FRMD4B: variants seen among roughly 807,000 people sequenced by gnomAD.
The protein encoded by FRMD4B is FERM domain containing 4B, also known as FERM domain-containing protein 4B.
Under a neutral mutation model 141.5 loss-of-function variants are expected in FRMD4B, and 74 were observed. The observed-to-expected ratio is 0.52, with a 90% CI of 0.43 to 0.63. The LOEUF is 0.63. Among genes scored for constraint, FRMD4B ranks in the 30% least tolerant of loss-of-function variants. FRMD4B has a pLI of 0.00. For missense variants in FRMD4B, 1,366 were observed against 1,253.4 expected, an observed-to-expected ratio of 1.09 and a Z score of -1.36; for synonymous variants, 506 against 467.9, an observed-to-expected ratio of 1.08 and a Z score of -1.05.
At chr3:69,390,782 G>T (rs545019106), upstream of FRMD4B, among the ~76,000 whole-genome samples, 291 of 152,246 alleles carry the variant, frequency 1.9e-3, 1 homozygote, top group Middle Eastern at 0.01. Context: ...AGTCTCAGCT[G>T]CTTAGGAGGC....
chr3:69,175,124 T>G (rs2092629409), intron 22 of FRMD4B, among the ~76,000 whole-genome samples: 1 of 152,138 alleles, frequency 6.6e-6, no homozygotes, highest in African/African-American at 2.4e-5. Context: ...TAACAGTGAG[T>G]GTCTTAATAA....
At chr3:69,510,387 C>T (rs7645826) in intron 1 of FRMD4B, among the ~76,000 whole-genome samples, 40,522 of 151,964 alleles carry the variant, frequency 0.27, 5,902 homozygotes, top group African/African-American at 0.38. Flanking sequence ...GATTCATAGA[C>T]GTTTTATTCT....
intron 1 of FRMD4B, among the ~76,000 whole-genome samples, chr3:69,354,422 T>A (rs574531405): frequency 3.9e-5 from 6 of 152,294 alleles, no homozygotes; most frequent in African/African-American, 1.4e-4. Flanking sequence ...AAGAACAGTC[T>A]GGAATTTTGC....
At chr3:69,455,884 G>A (rs1705598401) in intron 1 of FRMD4B, among the ~76,000 whole-genome samples, 1 of 152,132 alleles carries the variant, frequency 6.6e-6, no homozygotes, top group African/African-American at 2.4e-5. Context: ...TCTACTCTAG[G>A]TTCAGGATCC....
intron 1 of FRMD4B, among the ~76,000 whole-genome samples, chr3:69,465,052 G>A (rs548642559): frequency 6.6e-6 from 1 of 152,294 alleles, no homozygotes; most frequent in South Asian, 2.1e-4. Context: ...CAGGCGTGGT[G>A]GCTCACACCT....
intron 1 of FRMD4B, among the ~76,000 whole-genome samples, chr3:69,450,863 G>A (rs1420498019): frequency 3.3e-5 from 5 of 152,184 alleles, no homozygotes; most frequent in Non-Finnish European, 7.3e-5. Context: ...GCCATGAAAA[G>A]TCATTTTCTG....
At chr3:69,506,713 TG>T (rs869033465) in intron 1 of FRMD4B, among the ~76,000 whole-genome samples, 21 of 150,326 alleles carry the variant, frequency 1.4e-4, no homozygotes, top group African/African-American at 2.9e-4. Flanking sequence ...CTAATTTTTT[TG>T]GGGGGGGTGG....
chr3:69,399,480 T>C (rs1386058578), intron 2 of FRMD4B, among the ~76,000 whole-genome samples: 1 of 152,202 alleles, frequency 6.6e-6, no homozygotes, highest in East Asian at 1.9e-4. Context: ...GAGAAAATGA[T>C]GGTTAAATTA....
intron 2 of FRMD4B, among the ~76,000 whole-genome samples, chr3:69,408,490 C>T (rs1481378841): frequency 6.6e-6 from 1 of 152,190 alleles, no homozygotes; most frequent in Non-Finnish European, 1.5e-5. Context: ...ACACTTAATC[C>T]AATAACCCAC....
intron 1 of FRMD4B, among the ~76,000 whole-genome samples, chr3:69,527,088 C>T (rs1016441831): frequency 6.6e-6 from 1 of 152,120 alleles, no homozygotes; most frequent in African/African-American, 2.4e-5. Context: ...TTGTGTCCTC[C>T]GTCCTGGGGC....
intron 2 of FRMD4B, among the ~76,000 whole-genome samples, chr3:69,415,848 G>T (rs986454203): frequency 1.3e-5 from 2 of 152,120 alleles, no homozygotes; most frequent in Non-Finnish European, 2.9e-5. Flanking sequence ...AGGGCTCAAG[G>T]AATGTTTGTT....
chr3:69,224,802 C>T (rs1459961935), intron 7 of FRMD4B, 112 bp from the exon 8 acceptor site: 5 of 654,292 alleles, frequency 7.6e-6, no homozygotes, highest in Non-Finnish European at 1.1e-5. Context: ...ATGTTGGAGC[C>T]AACATACACA....
chr3:69,481,017 G>C (rs1156780775), intron 1 of FRMD4B, among the ~76,000 whole-genome samples: 1 of 152,230 alleles, frequency 6.6e-6, no homozygotes, highest in African/African-American at 2.4e-5. Flanking sequence ...TCCGAGCCAT[G>C]TGCGGGATAT....
intron 1 of FRMD4B, among the ~76,000 whole-genome samples, chr3:69,483,346 C>A (rs932662504): frequency 6.6e-6 from 1 of 152,178 alleles, no homozygotes; most frequent in Non-Finnish European, 1.5e-5. Flanking sequence ...TGCTTCTTTC[C>A]TTCAGTCCAA....
chr3:69,524,800 A>G (rs1182182379), intron 1 of FRMD4B, among the ~76,000 whole-genome samples: 2 of 152,216 alleles, frequency 1.3e-5, no homozygotes, highest in African/African-American at 4.8e-5. Context: ...ACATGGCCAC[A>G]CCAGTGATAA....
chr3:69,436,360 TA>T (rs1006182137), intron 1 of FRMD4B, among the ~76,000 whole-genome samples: 1 of 152,080 alleles, frequency 6.6e-6, no homozygotes, highest in African/African-American at 2.4e-5. Flanking sequence ...ACACTGATAA[TA>T]AAAAAACTGT....
intron 1 of FRMD4B, among the ~76,000 whole-genome samples, chr3:69,478,625 C>G (rs546891612): frequency 2.0e-4 from 30 of 152,244 alleles, no homozygotes; most frequent in Non-Finnish European, 3.7e-4. Context: ...TTACTTCCAA[C>G]TATGTGGTCA....
rs767495927 is a variant in FRMD4B at position 69,187,808 on chromosome 3, C to T, written c.1881G>A (p.Ser627=). ...TATCCACAAACTGTTCATTGATGGA[C>T]GACTTTCTGAAATGGATTCGCTCAA... is the stretch of plus-strand genomic sequence containing the variant. ...LGIERIHFRK[S]SINEQFVDTR... Residue 627 remains serine (S), a synonymous_variant, in exon 19 of 23, where the codon TCG becomes TCA. Coordinates refer to ENST00000398540, the MANE Select transcript of FRMD4B (RefSeq NM_015123.3). 1.2e-4 allele frequency: 200 copies of T among 1,612,060 alleles called. No homozygotes were observed. Among genetic ancestry groups the T allele is most frequent in the South Asian group, 3.9e-4 (35 of 90,906 alleles).
intron 1 of FRMD4B, among the ~76,000 whole-genome samples, chr3:69,445,713 G>T (rs1464561298): frequency 6.6e-6 from 1 of 152,224 alleles, no homozygotes; most frequent in East Asian, 1.9e-4. Flanking sequence ...TGCTTGGATT[G>T]TTATTTCTCT....
Sources: allele counts gnomAD v4.1 joint callset (sites outside exome capture counted in the v4.1 genomes callset), GRCh38; gene constraint gnomAD v4.1.1; transcripts MANE v1.5; gene names NCBI Gene and HGNC (gene_info 2026-07-23, HGNC 2026-07-21).